Variants in KCNIP4 observed in about 807,000 individuals in gnomAD.
KCNIP4 encodes the protein Kv channel-interacting protein 4.
A neutral mutation model predicts 34.0 loss-of-function variants in KCNIP4; 12 were observed. That is an observed-to-expected ratio of 0.35 (90% CI 0.23 to 0.57). The LOEUF (loss-of-function observed/expected upper bound fraction) is 0.57, where lower values mean the gene tolerates loss of function less well. KCNIP4 is among the 20% of genes least tolerant of loss of function. KCNIP4 has a pLI of 0.83. For missense variants in KCNIP4, 238 were observed against 311.7 expected, an observed-to-expected ratio of 0.76 and a Z score of 1.78; for synonymous variants, 124 against 102.2, an observed-to-expected ratio of 1.21 and a Z score of -1.29.
chr4:21,398,472 G>T (rs1185882474), intron 1 of KCNIP4, among the ~76,000 whole-genome samples: 1 of 152,118 alleles, frequency 6.6e-6, no homozygotes, highest in East Asian at 1.9e-4. Context: ...TTCCTCTGAG[G>T]GTTCAGTTTC....
At chr4:21,375,891 C>T (rs542362259) in intron 1 of KCNIP4, among the ~76,000 whole-genome samples, 41 of 152,158 alleles carry the variant, frequency 2.7e-4, no homozygotes, top group Middle Eastern at 6.8e-3. Context: ...CTTTTTGATA[C>T]AGTTGTGAGG....
At chr4:21,795,192 C>T (rs1004797049) in intron 1 of KCNIP4, among the ~76,000 whole-genome samples, 2 of 152,056 alleles carry the variant, frequency 1.3e-5, no homozygotes, top group East Asian at 1.9e-4. Context: ...TTCTAAGAAG[C>T]GGAAATTAGG....
chr4:21,260,852 T>A (rs1036289948), intron 1 of KCNIP4, among the ~76,000 whole-genome samples: 3 of 152,194 alleles, frequency 2.0e-5, no homozygotes, highest in Non-Finnish European at 4.4e-5. Flanking sequence ...TGATGTGACT[T>A]ATTTAAGATC....
chr4:21,908,528 T>A (rs907663583), intron 1 of KCNIP4, among the ~76,000 whole-genome samples: 7 of 152,162 alleles, frequency 4.6e-5, no homozygotes, highest in African/African-American at 1.7e-4. Flanking sequence ...GGGATCATGC[T>A]AGAGTGAAGT....
At chr4:21,323,352 C>A (rs1302234461) in intron 1 of KCNIP4, among the ~76,000 whole-genome samples, 3 of 151,862 alleles carry the variant, frequency 2.0e-5, no homozygotes, top group Non-Finnish European at 2.9e-5. Flanking sequence ...AAATACTAGA[C>A]CTTACTCACT....
At chr4:21,923,562 C>G (rs1198660297) in intron 1 of KCNIP4, among the ~76,000 whole-genome samples, 5 of 152,144 alleles carry the variant, frequency 3.3e-5, no homozygotes, top group Non-Finnish European at 7.3e-5. Context: ...GCCTAGGTGA[C>G]AGAGTGAGAC....
chr4:21,884,958 C>CT (rs386356730), intron 1 of KCNIP4, among the ~76,000 whole-genome samples: 180 of 151,090 alleles, frequency 1.2e-3, no homozygotes, highest in African/African-American at 4.0e-3. Flanking sequence ...GCCTCCCCCC[C>CT]ACTACTGTTA....
intron 1 of KCNIP4, among the ~76,000 whole-genome samples, chr4:21,561,950 CTG>C (rs1739514247): frequency 6.6e-6 from 1 of 151,930 alleles, no homozygotes; most frequent in African/African-American, 2.4e-5. Flanking sequence ...AATGAAAACA[CTG>C]TGGCAATAAG....
At chr4:20,922,273 A>T (rs1171297664) in intron 1 of KCNIP4, among the ~76,000 whole-genome samples, 2 of 152,224 alleles carry the variant, frequency 1.3e-5, no homozygotes, top group Admixed American at 1.3e-4. Flanking sequence ...AGTAAAGAAG[A>T]TCACCCTCAC....
chr4:21,078,372 A>G (rs1745694992), intron 1 of KCNIP4, among the ~76,000 whole-genome samples: 1 of 152,106 alleles, frequency 6.6e-6, no homozygotes, highest in Non-Finnish European at 1.5e-5. Flanking sequence ...TAGAGGCTCC[A>G]AAGTCTGAGA....
intron 1 of KCNIP4, among the ~76,000 whole-genome samples, chr4:21,013,329 A>G (rs1449265533): frequency 6.6e-6 from 1 of 152,146 alleles, no homozygotes; most frequent in Non-Finnish European, 1.5e-5. Context: ...AGTGGGAACC[A>G]GAGGCCAGGG....
At chr4:21,211,480 G>T (rs544274858) in intron 1 of KCNIP4, among the ~76,000 whole-genome samples, 9 of 152,176 alleles carry the variant, frequency 5.9e-5, no homozygotes, top group Non-Finnish European at 1.2e-4. Flanking sequence ...AGGGATCCAG[G>T]TTGCATGCTC....
At chr4:20,824,666 G>A (rs1253765991) in intron 3 of KCNIP4, among the ~76,000 whole-genome samples, 3 of 152,192 alleles carry the variant, frequency 2.0e-5, no homozygotes, top group Non-Finnish European at 2.9e-5. Flanking sequence ...GCAACAGAGC[G>A]AGACTCCATC....
At chr4:21,515,846 T>C (rs915863463) in intron 1 of KCNIP4, among the ~76,000 whole-genome samples, 16 of 152,188 alleles carry the variant, frequency 1.1e-4, no homozygotes, top group African/African-American at 3.9e-4. Flanking sequence ...CCTTGCTTGA[T>C]GTTCATCCTT....
intron 1 of KCNIP4, among the ~76,000 whole-genome samples, chr4:21,467,965 G>A (rs1730135843): frequency 6.6e-6 from 1 of 152,160 alleles, no homozygotes; most frequent in South Asian, 2.1e-4. Flanking sequence ...AGCAAACCCT[G>A]AGAGATCCTG....
chr4:20,991,624 C>T (rs1396751208), intron 1 of KCNIP4, among the ~76,000 whole-genome samples: 1 of 152,152 alleles, frequency 6.6e-6, no homozygotes, highest in Non-Finnish European at 1.5e-5. Flanking sequence ...GGGGCTATTT[C>T]TCCTTCAATT....
chr4:20,936,792 T>C (rs1731114616), intron 1 of KCNIP4, among the ~76,000 whole-genome samples: 1 of 152,246 alleles, frequency 6.6e-6, no homozygotes, highest in Non-Finnish European at 1.5e-5. Context: ...CAAAGTAAAA[T>C]AGAATAAAAT....
intron 1 of KCNIP4, among the ~76,000 whole-genome samples, chr4:21,647,368 TTCTA>T (rs1747102987): frequency 6.6e-6 from 1 of 152,266 alleles, no homozygotes; most frequent in African/African-American, 2.4e-5. Flanking sequence ...TTCTTTTTCA[TTCTA>T]TCTCTCTTAT....
rs573606502 is a variant in KCNIP4 at position 21,344,652 on chromosome 4, G to T, written c.62-461943C>A. 2.3e-4 allele frequency among the ~76,000 whole-genome samples: 35 copies of T among 152,220 alleles called. No homozygotes were observed. In the East Asian group the frequency reaches 5.6e-3, roughly 24 times the overall value. The stretch of plus-strand genomic sequence containing the variant: ...CCCAGCTGACCTGGCATATTCCCAG[G>T]TACTTTCAAGTACGTTATCTTATTA... On this transcript the variant is annotated intron_variant, in intron 1 of 8. Transcript: ENST00000382152.
Sources: gnomAD v4.1 joint callset for allele counts (sites outside exome capture counted in the v4.1 genomes callset) on GRCh38, gnomAD v4.1.1 for gene constraint, MANE v1.5 for transcripts, NCBI Gene and HGNC (gene_info 2026-07-23, HGNC 2026-07-21) for gene names.